ZNF43: variants seen among roughly 807,000 people sequenced by gnomAD.
ZNF43 encodes the protein zinc finger protein 39-like 1 (KOX 27).
ZNF43 carries 44 observed loss-of-function variants against 68.4 expected under a neutral mutation model. The observed-to-expected ratio is 0.64, with a 90% CI of 0.51 to 0.83. The LOEUF is 0.83. Among genes scored for constraint, ZNF43 ranks in the 40% least tolerant of loss-of-function variants. The pLI is 0.00. For synonymous variants in ZNF43, 308 were observed against 307.8 expected, an observed-to-expected ratio of 1.00 and a Z score of -0.01; for missense variants, 896 against 933.2, an observed-to-expected ratio of 0.96 and a Z score of 0.52.
At chr19:21,838,816 GT>G (rs1967302665), upstream of ZNF43, 1 of 152,192 alleles carries the variant, frequency 6.6e-6, no homozygotes, top group South Asian at 2.1e-4. Flanking sequence ...AATAGCAGCT[GT>G]GTGAAATATG....
intron 3 of ZNF43, among the ~76,000 whole-genome samples, chr19:21,813,931 T>G (rs867574475): frequency 6.6e-6 from 1 of 152,240 alleles, no homozygotes. Flanking sequence ...CCTGGCTATT[T>G]TCAAAAATTA....
chr19:21,847,883 G>C (rs1968075200), intron 1 of ZNF43, among the ~76,000 whole-genome samples: 1 of 152,056 alleles, frequency 6.6e-6, no homozygotes, highest in South Asian at 2.1e-4. Flanking sequence ...ACCCAGGCTG[G>C]AGTGTAGTGG....
Position 21,805,862 on chromosome 19 carries a change from T to C in ZNF43, c.*1745A>G, listed in dbSNP as rs374951438. On this transcript the variant is annotated 3_prime_UTR_variant, in exon 4 of 4. Coordinates refer to ENST00000354959, the MANE Select transcript of ZNF43 (RefSeq NM_003423.4). ...TAGTATATTGTTACCATCTTTTACA[T>C]ACACTCTTGAGTAAGGTGAAATAGG... is the stretch of plus-strand genomic sequence containing the variant. 2 of 150,454 alleles carry C rather than the reference T, an allele frequency of 1.3e-5. No homozygotes were observed. Among genetic ancestry groups the C allele is most frequent in the African/African-American group, 4.8e-5 (2 of 41,298 alleles). The allele number at this position is 150,454 out of a possible 1,614,324, so 9.3% of individuals were successfully genotyped here.
chr19:21,850,811 C>A (rs1375388665), intron 1 of ZNF43: 1 of 152,158 alleles, frequency 6.6e-6, no homozygotes, highest in Non-Finnish European at 1.5e-5. Context: ...GTGGGCAGCA[C>A]CAAAGCTGGA....
At chr19:21,851,785 A>C in intron 1 of ZNF43, 1 of 1,098,602 alleles carries the variant, frequency 9.1e-7, no homozygotes, top group Non-Finnish European at 1.2e-6. Context: ...TTGCGGCCAG[A>C]GGGGCCTGGG....
At chr19:21,816,726 G>A (rs2037545626) in intron 3 of ZNF43, among the ~76,000 whole-genome samples, 1 of 152,062 alleles carries the variant, frequency 6.6e-6, no homozygotes, top group Non-Finnish European at 1.5e-5. Context: ...GTTACCTGGG[G>A]AAATCCTCTC....
rs186799586 is a variant in ZNF43, at chr19:21,807,873, T to C, written c.2164A>G (p.Ile722Val). The change falls in exon 4 of 4, where the codon ATT becomes GTT. Residue 722 changes from isoleucine to valine, a missense_variant. Ile to Val is a conservative substitution (Grantham distance 29, BLOSUM62 3). Coordinates refer to ENST00000354959, the MANE Select transcript of ZNF43 (RefSeq NM_003423.4). ...CCAGTATGAATTTTCTTATGTTCAA[T>C]AAGGTTTGAGGATCGGTTAAAAGCT... is the stretch of plus-strand genomic sequence containing the variant. ...GKAFNRSSNLIEHKKIHTGEQ... is the reference protein window; with the variant it reads ...GKAFNRSSNLVEHKKIHTGEQ... The C allele has an allele frequency of 3.1e-6, 5 of 1,613,280 alleles. No individual in the cohort carries two copies. In the Admixed American group the frequency reaches 6.7e-5, roughly 22 times the overall value.
intron 1 of ZNF43, among the ~76,000 whole-genome samples, chr19:21,824,515 C>T (rs537478744): frequency 7.9e-5 from 12 of 152,206 alleles, no homozygotes; most frequent in African/African-American, 2.6e-4. Flanking sequence ...GTTGATTTCT[C>T]ACAATGCAGA....
intron 3 of ZNF43, among the ~76,000 whole-genome samples, chr19:21,813,545 A>T (rs575430150): frequency 1.3e-5 from 2 of 152,272 alleles, no homozygotes; most frequent in Non-Finnish European, 1.5e-5. Flanking sequence ...TGTCACCTGA[A>T]ATTAGCAAGT....
At chr19:21,845,573 G>A (rs116234413) in intron 1 of ZNF43, 3,517 of 152,190 alleles carry the variant, frequency 0.023, 145 homozygotes, top group African/African-American at 0.078. Context: ...GAGACTCCTT[G>A]GTGATAGACC....
At chr19:21,850,202 G>A (rs1968250657) in intron 1 of ZNF43, among the ~76,000 whole-genome samples, 2 of 152,092 alleles carry the variant, frequency 1.3e-5, no homozygotes, top group African/African-American at 4.8e-5. Context: ...CAGAGTGCAG[G>A]CAAAAATGGA....
intron 1 of ZNF43, among the ~76,000 whole-genome samples, chr19:21,830,364 A>G (rs1482281727): frequency 6.6e-6 from 1 of 152,052 alleles, no homozygotes; most frequent in Non-Finnish European, 1.5e-5. Context: ...AATAAGATAA[A>G]TAGCACTCTA....
At chr19:21,811,622 T>C (rs939238262) in intron 3 of ZNF43, among the ~76,000 whole-genome samples, 3 of 151,246 alleles carry the variant, frequency 2.0e-5, no homozygotes, top group African/African-American at 7.3e-5. Flanking sequence ...CAAAACATAT[T>C]AAAAGCTACA....
At chr19:21,835,249 CAAAAAAA>C (rs377486360) in intron 1 of ZNF43, among the ~76,000 whole-genome samples, 1 of 82,578 alleles carries the variant, frequency 1.2e-5, no homozygotes, top group Non-Finnish European at 2.5e-5. Flanking sequence ...AAGTCCATCT[CAAAAAAA>C]AAAAAAAAAA....
chr19:21,842,702 C>T (rs981642449), intron 1 of ZNF43, among the ~76,000 whole-genome samples: 1 of 152,144 alleles, frequency 6.6e-6, no homozygotes, highest in Non-Finnish European at 1.5e-5. Flanking sequence ...GAACAAAATT[C>T]AGATTATGTA....
In ZNF43 at chr19:21,836,059, C is replaced by CT. The variant is rs2038714095; in HGVS notation, c.-22dup. 3 of 1,613,940 alleles carry CT rather than the reference C, an allele frequency of 1.9e-6. No homozygotes were observed. The East Asian group carries it at 6.7e-5, about 36-fold the overall frequency. Reference sequence around the variant, plus strand: ...ACCATTTCTAGGCTTCCGGGGGGTCCTGGCGTCTTAGCTGTGGATCCCCCA... The same window carrying CT: ...ACCATTTCTAGGCTTCCGGGGGGTCCTTGGCGTCTTAGCTGTGGATCCCCCA... On this transcript the variant is annotated 5_prime_UTR_variant, in exon 1 of 4. Transcript: ENST00000354959.
chr19:21,833,324 T>C (rs2038513398), intron 1 of ZNF43, among the ~76,000 whole-genome samples: 1 of 152,148 alleles, frequency 6.6e-6, no homozygotes, highest in African/African-American at 2.4e-5. Flanking sequence ...CTGAGTACAA[T>C]GGCGCGACCT....
At chr19:21,831,787 T>C (rs931076262) in intron 1 of ZNF43, among the ~76,000 whole-genome samples, 4 of 152,192 alleles carry the variant, frequency 2.6e-5, no homozygotes, top group Non-Finnish European at 5.9e-5. Flanking sequence ...AAAACAATCC[T>C]ATTTGCCACA....
intron 1 of ZNF43, among the ~76,000 whole-genome samples, chr19:21,820,830 ATTTTTTTT>A (rs750258211): frequency 7.8e-6 from 1 of 128,786 alleles, no homozygotes; most frequent in East Asian, 2.3e-4. Flanking sequence ...ATGTTCTGTA[ATTTTTTTT>A]TTTTTTTTTT....
Sources: gnomAD v4.1 joint callset for allele counts (sites outside exome capture counted in the v4.1 genomes callset) on GRCh38, gnomAD v4.1.1 for gene constraint, MANE v1.5 for transcripts, NCBI Gene and HGNC (gene_info 2026-07-23, HGNC 2026-07-21) for gene names.